The following GRID1 variants were observed in gnomAD, a reference collection of about 807,000 sequenced individuals.
The protein encoded by GRID1 is glutamate ionotropic receptor delta type subunit 1, also known as glutamate receptor ionotropic, delta-1.
Under a neutral mutation model 98.0 loss-of-function variants are expected in GRID1, and 28 were observed. The observed-to-expected ratio is 0.29, with a 90% CI of 0.21 to 0.39. The LOEUF is 0.39. GRID1 is among the 10% of genes least tolerant of loss of function. GRID1 has a pLI of 1.00. For synonymous variants in GRID1, 553 were observed against 538.5 expected, an observed-to-expected ratio of 1.03 and a Z score of -0.37; for missense variants, 1,111 against 1,340.5, an observed-to-expected ratio of 0.83 and a Z score of 2.67.
intron 12 of GRID1, among the ~76,000 whole-genome samples, chr10:85,694,492 A>G (rs1007296600): frequency 1.6e-4 from 24 of 148,912 alleles, no homozygotes; most frequent in African/African-American, 5.6e-4. Context: ...CAATAGCAAA[A>G]ATATGAAATC....
chr10:85,989,622 A>C (rs1842655153), intron 4 of GRID1, among the ~76,000 whole-genome samples: 1 of 152,200 alleles, frequency 6.6e-6, no homozygotes, highest in Admixed American at 6.5e-5. Context: ...ATGAGAATCT[A>C]ACTAGTGCCT....
chr10:85,893,836 C>T (rs923524068), intron 5 of GRID1, among the ~76,000 whole-genome samples: 2 of 152,130 alleles, frequency 1.3e-5, no homozygotes, highest in Non-Finnish European at 2.9e-5. Flanking sequence ...TTTCTAGAAA[C>T]TGACAAGTTA....
chr10:85,768,504 T>A (rs1842219821), intron 8 of GRID1, among the ~76,000 whole-genome samples: 1 of 152,106 alleles, frequency 6.6e-6, no homozygotes, highest in South Asian at 2.1e-4. Context: ...AAGGGTAATC[T>A]CTTTGATGTA....
chr10:86,057,719 T>C (rs1843593850), intron 4 of GRID1, among the ~76,000 whole-genome samples: 1 of 152,112 alleles, frequency 6.6e-6, no homozygotes, highest in African/African-American at 2.4e-5. Context: ...GACCCTCCAG[T>C]TTCGGGCCAT....
At chr10:85,752,251 GA>G (rs1382448970) in intron 8 of GRID1, among the ~76,000 whole-genome samples, 1 of 152,112 alleles carries the variant, frequency 6.6e-6, no homozygotes. Context: ...TCAAACTGGA[GA>G]AAGTCCAGAA....
intron 8 of GRID1, among the ~76,000 whole-genome samples, chr10:85,804,131 T>C (rs546556554): frequency 6.6e-6 from 1 of 151,202 alleles, no homozygotes; most frequent in South Asian, 2.1e-4. Context: ...TAAAACCCTA[T>C]TTAGACTAGT....
intron 8 of GRID1, among the ~76,000 whole-genome samples, chr10:85,799,679 TAG>T: frequency 6.6e-6 from 1 of 151,240 alleles, no homozygotes; most frequent in South Asian, 2.1e-4. Context: ...CTCATAGGAG[TAG>T]AGAGTAGAAT....
intron 2 of GRID1, among the ~76,000 whole-genome samples, chr10:86,276,168 A>C (rs1367722745): frequency 6.6e-6 from 1 of 152,188 alleles, no homozygotes; most frequent in Non-Finnish European, 1.5e-5. Context: ...TCTGAAATGG[A>C]GGTGTCAGTA....
intron 6 of GRID1, 122 bp from the exon 7 acceptor site, chr10:85,856,312 T>C: frequency 4.8e-6 from 4 of 841,350 alleles, no homozygotes; most frequent in Non-Finnish European, 7.5e-6. Flanking sequence ...CCAGTATCTA[T>C]GCCAAGATCC....
chr10:86,259,658 CTGTGTG>C (rs150403696), intron 2 of GRID1, among the ~76,000 whole-genome samples: 8 of 150,184 alleles, frequency 5.3e-5, no homozygotes, highest in Non-Finnish European at 7.4e-5. Context: ...TAACACATGT[CTGTGTG>C]TGTGTGTGTG....
At chr10:85,774,216 C>A (rs1314145274) in intron 8 of GRID1, among the ~76,000 whole-genome samples, 6 of 152,102 alleles carry the variant, frequency 3.9e-5, no homozygotes, top group South Asian at 4.2e-4. Flanking sequence ...GAAAAACAAG[C>A]AATGGGGAAA....
chr10:86,109,925 G>A (rs1410948951), intron 4 of GRID1, among the ~76,000 whole-genome samples: 7 of 151,740 alleles, frequency 4.6e-5, no homozygotes, highest in African/African-American at 1.7e-4. Context: ...GCATGTCAAG[G>A]GCCTAGCACA....
At chr10:85,817,848 G>T (rs142730083) in intron 8 of GRID1, among the ~76,000 whole-genome samples, 1 of 151,986 alleles carries the variant, frequency 6.6e-6, no homozygotes, top group Non-Finnish European at 1.5e-5. Context: ...CCGAGATCTT[G>T]CCACTGCCCT....
intron 3 of GRID1, among the ~76,000 whole-genome samples, chr10:86,182,873 A>G (rs1165553393): frequency 6.6e-6 from 1 of 152,196 alleles, no homozygotes; most frequent in Non-Finnish European, 1.5e-5. Context: ...CGATTATTTG[A>G]ATGAATTCAG....
chr10:85,908,889 T>C (rs567461756), intron 5 of GRID1, among the ~76,000 whole-genome samples: 12 of 152,296 alleles, frequency 7.9e-5, no homozygotes, highest in African/African-American at 2.6e-4. Context: ...AGTTTTCAGA[T>C]ACTACACGAA....
chr10:85,628,923 T>C (rs984284094), intron 13 of GRID1, among the ~76,000 whole-genome samples: 4 of 152,110 alleles, frequency 2.6e-5, no homozygotes, highest in Non-Finnish European at 4.4e-5. Flanking sequence ...CTGGCTTGTG[T>C]GGCATGCAGA....
rs181039998 is a variant in GRID1, at chr10:86,177,800, T to C, written c.520+28564A>G. ...TGCATGCATTACAGAGAAACAGAAATAGAGACTTTAGCGTATGCACGCGTG... is the reference window on the plus strand; with the variant it reads ...TGCATGCATTACAGAGAAACAGAAACAGAGACTTTAGCGTATGCACGCGTG... On this transcript the variant is annotated intron_variant, in intron 3 of 15. Transcript: ENST00000327946. 3.2e-3 allele frequency among the ~76,000 whole-genome samples: 492 copies of C among 151,504 alleles called. 4 individuals are homozygous for C. Among genetic ancestry groups the C allele is most frequent in the African/African-American group, 0.011 (470 of 41,196 alleles).
chr10:85,678,311 TCCTGAAGGAAAAGACCAAA>T (rs1254520529), intron 12 of GRID1, among the ~76,000 whole-genome samples: 2 of 152,142 alleles, frequency 1.3e-5, no homozygotes, highest in Non-Finnish European at 2.9e-5. Context: ...GTTGTTGATA[TCCTGAAGGAAAAGACCAAA>T]GGCTGGACAT....
intron 5 of GRID1, among the ~76,000 whole-genome samples, chr10:85,885,024 T>C (rs1484996828): frequency 6.6e-6 from 1 of 152,194 alleles, no homozygotes; most frequent in African/African-American, 2.4e-5. Context: ...TTTCTGTGAA[T>C]ACACTAAAAT....
Sources: gnomAD v4.1 joint callset for allele counts (sites outside exome capture counted in the v4.1 genomes callset) on GRCh38, gnomAD v4.1.1 for gene constraint, MANE v1.5 for transcripts, NCBI Gene and HGNC (gene_info 2026-07-23, HGNC 2026-07-21) for gene names.